Variants in CAMK4 observed in about 807,000 individuals in gnomAD.
CAMK4 encodes calcium/calmodulin dependent protein kinase IV, also known as calcium/calmodulin-dependent protein kinase type IV.
CAMK4 carries 22 observed loss-of-function variants against 44.9 expected under a neutral mutation model. The ratio of observed to expected loss-of-function variants is 0.49; its 90% CI spans 0.35 to 0.70. The LOEUF (loss-of-function observed/expected upper bound fraction) is 0.70, where lower values mean the gene tolerates loss of function less well. Ranked by LOEUF, CAMK4 falls within the 30% of genes least tolerant of loss-of-function variation. The pLI, the probability that CAMK4 is intolerant of heterozygous loss-of-function variation, is 0.01. For missense variants in CAMK4, 498 were observed against 586.8 expected (o/e 0.85, Z 1.56); for synonymous variants, 218 against 215.4 (o/e 1.01, Z -0.11).
intron 7 of CAMK4, among the ~76,000 whole-genome samples, chr5:111,470,059 A>G (rs1385581660): frequency 3.3e-5 from 5 of 152,228 alleles, no homozygotes; most frequent in Admixed American, 3.3e-4. Flanking sequence ...ATGCATGCTC[A>G]ATATGTGTGC....
At chr5:111,470,147 G>C (rs1755012732) in intron 7 of CAMK4, among the ~76,000 whole-genome samples, 1 of 152,232 alleles carries the variant, frequency 6.6e-6, no homozygotes. Flanking sequence ...AGCATAATCT[G>C]AGTTCCCCTT....
At chr5:111,278,572 C>A (rs114099890) in intron 1 of CAMK4, among the ~76,000 whole-genome samples, 1 of 152,180 alleles carries the variant, frequency 6.6e-6, no homozygotes, top group Non-Finnish European at 1.5e-5. Context: ...AAAACATTTA[C>A]GGAGTAAATG....
intron 2 of CAMK4, among the ~76,000 whole-genome samples, chr5:111,369,130 A>G (rs1263226900): frequency 1.3e-5 from 2 of 151,592 alleles, no homozygotes; most frequent in Non-Finnish European, 2.9e-5. Context: ...CAGTGGCACA[A>G]GCTCAGCTCA....
At chr5:111,435,917 C>A (rs1469713341) in intron 5 of CAMK4, among the ~76,000 whole-genome samples, 1 of 152,162 alleles carries the variant, frequency 6.6e-6, no homozygotes, top group Non-Finnish European at 1.5e-5. Flanking sequence ...TTGTTCTAAC[C>A]TTATATACAA....
intron 1 of CAMK4, among the ~76,000 whole-genome samples, chr5:111,310,498 G>A (rs1748155226): frequency 1.3e-5 from 2 of 152,286 alleles, no homozygotes; most frequent in South Asian, 4.1e-4. Context: ...GCAATAGGGG[G>A]TAATTGAAAG....
intron 1 of CAMK4, among the ~76,000 whole-genome samples, chr5:111,301,637 A>T (rs1580552996): frequency 6.6e-6 from 1 of 152,238 alleles, no homozygotes; most frequent in Non-Finnish European, 1.5e-5. Context: ...ATAACATAAA[A>T]TAATAAAATG....
chr5:111,327,054 A>G (rs1041224609), intron 1 of CAMK4, among the ~76,000 whole-genome samples: 6 of 151,880 alleles, frequency 4.0e-5, no homozygotes, highest in South Asian at 4.2e-4. Context: ...CATGTGCACA[A>G]TGTGCAGGTT....
chr5:111,337,559 A>T (rs959786878), intron 1 of CAMK4, among the ~76,000 whole-genome samples: 3 of 150,748 alleles, frequency 2.0e-5, no homozygotes, highest in Non-Finnish European at 4.5e-5. Context: ...CACAATAAAA[A>T]TATAAAGACA....
intron 7 of CAMK4, among the ~76,000 whole-genome samples, chr5:111,466,808 A>G (rs1010404558): frequency 6.6e-6 from 1 of 150,790 alleles, no homozygotes; most frequent in Non-Finnish European, 1.5e-5. Flanking sequence ...CCATCAAAAT[A>G]CCACCATCAT....
chr5:111,444,801 A>T (rs1160709820), intron 5 of CAMK4, among the ~76,000 whole-genome samples: 1 of 152,222 alleles, frequency 6.6e-6, no homozygotes, highest in Non-Finnish European at 1.5e-5. Flanking sequence ...AAACCAACAG[A>T]AACATGGGCA....
intron 1 of CAMK4, among the ~76,000 whole-genome samples, chr5:111,250,441 G>C (rs889516569): frequency 6.6e-6 from 1 of 152,136 alleles, no homozygotes; most frequent in African/African-American, 2.4e-5. Context: ...GACCCAAATT[G>C]GGGACTTTGA....
intron 1 of CAMK4, among the ~76,000 whole-genome samples, chr5:111,278,708 A>T (rs1294940347): frequency 2.6e-5 from 4 of 152,196 alleles, no homozygotes; most frequent in Non-Finnish European, 5.9e-5. Context: ...TGAATCTGAT[A>T]TAATTGTTAT....
intron 4 of CAMK4, among the ~76,000 whole-genome samples, chr5:111,379,636 A>T (rs1248540271): frequency 6.6e-6 from 1 of 152,120 alleles, no homozygotes; most frequent in African/African-American, 2.4e-5. Flanking sequence ...GAGAGTTAAA[A>T]GGTAACATGA....
intron 9 of CAMK4, among the ~76,000 whole-genome samples, chr5:111,479,673 G>T (rs1400862411): frequency 6.6e-6 from 1 of 152,098 alleles, no homozygotes; most frequent in Non-Finnish European, 1.5e-5. Flanking sequence ...TCCCTTTCCT[G>T]TGCTCTTTTT....
chr5:111,287,899 A>G (rs1318957607), intron 1 of CAMK4, among the ~76,000 whole-genome samples: 2 of 152,244 alleles, frequency 1.3e-5, no homozygotes, highest in Non-Finnish European at 2.9e-5. Flanking sequence ...GAAATGGGAA[A>G]TTGCCAGCAC....
chr5:111,407,589 A>G (rs985519941), intron 5 of CAMK4, among the ~76,000 whole-genome samples: 1 of 152,182 alleles, frequency 6.6e-6, no homozygotes, highest in African/African-American at 2.4e-5. Context: ...GACAGGAAGG[A>G]TATTATCACA....
chr5:111,385,900 G>A (rs1214882432), intron 4 of CAMK4, among the ~76,000 whole-genome samples: 2 of 152,006 alleles, frequency 1.3e-5, no homozygotes, highest in Non-Finnish European at 2.9e-5. Context: ...TTTGAGTCAG[G>A]CCTTTTATCT....
At chr5:111,390,540 C>T (rs1751760613) in intron 4 of CAMK4, among the ~76,000 whole-genome samples, 1 of 152,000 alleles carries the variant, frequency 6.6e-6, no homozygotes, top group Admixed American at 6.6e-5. Context: ...TTTGAGGTAC[C>T]ATCTAAGAAA....
intron 1 of CAMK4, among the ~76,000 whole-genome samples, chr5:111,284,555 A>T (rs967152736): frequency 5.3e-5 from 8 of 152,170 alleles, no homozygotes; most frequent in African/African-American, 1.4e-4. Context: ...CACCAGCCTC[A>T]GATAGTCTCT....
Sources: allele counts gnomAD v4.1 joint callset (sites outside exome capture counted in the v4.1 genomes callset), GRCh38; gene constraint gnomAD v4.1.1; transcripts MANE v1.5; gene names NCBI Gene and HGNC (gene_info 2026-07-23, HGNC 2026-07-21).